The following DPP10 variants were observed in gnomAD, a reference collection of about 807,000 sequenced individuals.
The protein encoded by DPP10 is inactive dipeptidyl peptidase 10.
A neutral mutation model predicts 120.9 loss-of-function variants in DPP10; 33 were observed. The observed-to-expected ratio is 0.27, with a 90% CI of 0.21 to 0.37. The LOEUF (loss-of-function observed/expected upper bound fraction) is 0.37, where lower values mean the gene tolerates loss of function less well. DPP10 is among the 10% of genes least tolerant of loss of function. DPP10 has a pLI of 1.00. For synonymous variants in DPP10, 337 were observed against 326.1 expected, an observed-to-expected ratio of 1.03 and a Z score of -0.36; for missense variants, 816 against 942.8, an observed-to-expected ratio of 0.87 and a Z score of 1.76.
intron 3 of DPP10, among the ~76,000 whole-genome samples, chr2:115,455,526 A>G (rs537687905): frequency 5.9e-5 from 9 of 152,272 alleles, no homozygotes; most frequent in African/African-American, 1.9e-4. Context: ...CTAAGCAAAA[A>G]GAACAAAGCT....
intron 7 of DPP10, among the ~76,000 whole-genome samples, chr2:115,727,599 G>T (rs1026391464): frequency 6.6e-6 from 1 of 152,036 alleles, no homozygotes; most frequent in Non-Finnish European, 1.5e-5. Context: ...AATACCAAGT[G>T]CCATGGAATT....
chr2:115,412,200 G>T (rs1368992802), intron 3 of DPP10, among the ~76,000 whole-genome samples: 2 of 152,146 alleles, frequency 1.3e-5, no homozygotes, highest in Non-Finnish European at 2.9e-5. Flanking sequence ...TGATGAGGGA[G>T]AGTATAGAGA....
At chr2:115,354,899 C>T (rs4268936) in intron 3 of DPP10, among the ~76,000 whole-genome samples, 97,954 of 151,974 alleles carry the variant, frequency 0.64, 32,010 homozygotes, top group Admixed American at 0.73. Flanking sequence ...TTTATGGTTG[C>T]GTAGCATTCC....
intron 21 of DPP10, among the ~76,000 whole-genome samples, chr2:115,835,783 T>C (rs1385830249): frequency 6.6e-6 from 1 of 152,158 alleles, no homozygotes; most frequent in Non-Finnish European, 1.5e-5. Context: ...TAGTGGAAAA[T>C]TACATGTGAT....
chr2:115,815,963 A>G (rs111360572), intron 21 of DPP10, among the ~76,000 whole-genome samples: 1,956 of 151,684 alleles, frequency 0.013, 44 homozygotes, highest in African/African-American at 0.042. Context: ...TATATGTATT[A>G]TTTGTATGTA....
In DPP10 at chr2:115,751,806, T is replaced by G. The variant is rs200315947; in HGVS notation, c.951-1368T>G. 3.6e-3 allele frequency among the ~76,000 whole-genome samples: 348 copies of G among 96,388 alleles called. 2 individuals carry two copies. The highest frequency in any genetic ancestry group is 7.9e-3 in the African/African-American group (284 of 36,006). The allele number at this position is 96,388 out of a possible 152,430, so 63.2% of individuals were successfully genotyped here. On this transcript the variant is annotated intron_variant, in intron 10 of 25. Transcript: ENST00000410059. ...TTAACTGTGTTTTTTTTTTGTTGTT[T>G]TTTTTTTTTTGAGACAGAGTCTTGC...
intron 1 of DPP10, among the ~76,000 whole-genome samples, chr2:114,515,563 A>G (rs191333967): frequency 8.6e-4 from 131 of 152,340 alleles, no homozygotes; most frequent in African/African-American, 3.1e-3. Context: ...ATAGTACAAC[A>G]CCCAACCTAA....
intron 3 of DPP10, among the ~76,000 whole-genome samples, chr2:115,383,004 T>A (rs2066535511): frequency 6.6e-6 from 1 of 152,318 alleles, no homozygotes; most frequent in Non-Finnish European, 1.5e-5. Context: ...GACAACTCCT[T>A]ATGATTTTTC....
intron 5 of DPP10, among the ~76,000 whole-genome samples, chr2:115,557,284 T>G (rs1558845089): frequency 6.6e-6 from 1 of 152,106 alleles, no homozygotes; most frequent in East Asian, 1.9e-4. Context: ...TTCTAAGGGC[T>G]AACAAATTTT....
At chr2:115,089,318 C>T (rs1709047425) in intron 1 of DPP10, among the ~76,000 whole-genome samples, 2 of 152,166 alleles carry the variant, frequency 1.3e-5, no homozygotes, top group Admixed American at 1.3e-4. Flanking sequence ...TTCTCTTTGA[C>T]TTCCACATAA....
chr2:115,405,008 C>G (rs184548208), intron 3 of DPP10, among the ~76,000 whole-genome samples: 1 of 152,160 alleles, frequency 6.6e-6, no homozygotes, highest in Admixed American at 6.5e-5. Flanking sequence ...CTGGCTCCCC[C>G]TATAACTCAT....
At chr2:114,784,448 G>A (rs1045273140) in intron 1 of DPP10, among the ~76,000 whole-genome samples, 2 of 152,064 alleles carry the variant, frequency 1.3e-5, no homozygotes, top group Non-Finnish European at 2.9e-5. Context: ...TGACTTCAAG[G>A]TATGCATGCC....
At chr2:115,667,943 A>G (rs2089589756) in intron 5 of DPP10, among the ~76,000 whole-genome samples, 1 of 151,976 alleles carries the variant, frequency 6.6e-6, no homozygotes, top group Admixed American at 6.6e-5. Flanking sequence ...ATTAAATTTC[A>G]CAGGTGGGAA....
At chr2:115,377,452 A>G (rs1242082521) in intron 3 of DPP10, among the ~76,000 whole-genome samples, 9 of 151,960 alleles carry the variant, frequency 5.9e-5, no homozygotes, top group South Asian at 4.2e-4. Flanking sequence ...CTGGATATTA[A>G]CCCTTTGTCA....
intron 1 of DPP10, among the ~76,000 whole-genome samples, chr2:114,867,742 T>G (rs937041247): frequency 6.6e-6 from 1 of 152,196 alleles, no homozygotes; most frequent in Admixed American, 6.5e-5. Context: ...GATCTCCTAG[T>G]AGATTTCCTT....
At chr2:114,660,326 T>A (rs897308454) in intron 1 of DPP10, among the ~76,000 whole-genome samples, 2 of 152,248 alleles carry the variant, frequency 1.3e-5, no homozygotes, top group African/African-American at 4.8e-5. Context: ...TATTATGTTC[T>A]ATCCTTGACA....
chr2:114,842,846 C>T (rs1688263197), intron 1 of DPP10, among the ~76,000 whole-genome samples: 1 of 149,792 alleles, frequency 6.7e-6, no homozygotes, highest in African/African-American at 2.5e-5. Flanking sequence ...AGGGACCTCA[C>T]CGGAGACAAA....
chr2:115,445,678 A>G (rs2072513747), intron 3 of DPP10, among the ~76,000 whole-genome samples: 2 of 152,204 alleles, frequency 1.3e-5, no homozygotes, highest in Admixed American at 1.3e-4. Flanking sequence ...AAGAGGTGAC[A>G]GAGCATAAAA....
chr2:115,204,324 C>T (rs566863780), intron 1 of DPP10, among the ~76,000 whole-genome samples: 1 of 152,136 alleles, frequency 6.6e-6, no homozygotes, highest in Admixed American at 6.5e-5. Flanking sequence ...AAAGAATAGG[C>T]CATATGTCAG....
Sources: allele counts gnomAD v4.1 joint callset (sites outside exome capture counted in the v4.1 genomes callset), GRCh38; gene constraint gnomAD v4.1.1; transcripts MANE v1.5; gene names NCBI Gene and HGNC (gene_info 2026-07-23, HGNC 2026-07-21).